SNRK: variants seen among roughly 807,000 people sequenced by gnomAD.
The protein encoded by SNRK is SNF related kinase.
Under a neutral mutation model 48.2 loss-of-function variants are expected in SNRK, and 3 were observed. The ratio of observed to expected loss-of-function variants is 0.06; its 90% confidence interval spans 0.03 to 0.16. The LOEUF (loss-of-function observed/expected upper bound fraction) is 0.16. Ranked by LOEUF, SNRK falls within the 10% of genes least tolerant of loss-of-function variation. The probability of loss-of-function intolerance (pLI) is 1.00; values close to 1 mark genes in which losing one functional copy is unlikely to be tolerated. For missense variants in SNRK, 627 were observed against 976.0 expected (o/e 0.64, Z 4.76); for synonymous variants, 376 against 366.1 (o/e 1.03, Z -0.31).
Position 43,340,431 on chromosome 3 carries a change from A to G in SNRK, c.876A>G (p.Glu292=). The G allele has an allele frequency of 6.2e-7, 1 of 1,614,208 alleles. No homozygotes were observed. ...IPLVSYKNLS[E]EEHNSIIQRM... The stretch of plus-strand genomic sequence containing the variant: ...TTGTGTCATACAAAAATCTCTCGGA[A>G]GAGGAGCACAACAGCATCATTCAGC... Residue 292 remains glutamate (E), a synonymous_variant, in exon 5 of 7, where the codon GAA becomes GAG. Transcript: ENST00000296088.
At chr3:43,286,719 C>T (rs2090766172) in intron 1 of SNRK, 44 bp downstream of exon 1, 1 of 148,626 alleles carries the variant, frequency 6.7e-6, no homozygotes, top group Non-Finnish European at 1.5e-5. Context: ...CGGCCGTAGG[C>T]AGGGGTGCGG....
At position 43,350,773 on chromosome 3, in the gene SNRK, C is replaced by T. The variant is rs2091317077; in HGVS notation, c.*2216C>T. ...ACTTGCTCTAAACAGTTACTTGTACCCCTTAACCTGTCTTCAAAAGTTGCA... is the reference window on the plus strand; with the variant it reads ...ACTTGCTCTAAACAGTTACTTGTACTCCTTAACCTGTCTTCAAAAGTTGCA... On this transcript the variant is annotated 3_prime_UTR_variant, in exon 7 of 7. Transcript: ENST00000296088. The T allele has an allele frequency of 6.6e-6, 1 of 152,542 alleles. No homozygotes were observed. 9.4% of individuals were successfully genotyped at this position (152,542 alleles called of 1,614,324 possible).
intron 3 of SNRK, among the ~76,000 whole-genome samples, chr3:43,316,801 T>G (rs775165466): frequency 2.2e-4 from 34 of 151,794 alleles, no homozygotes; most frequent in Non-Finnish European, 4.1e-4. Flanking sequence ...CTGCATTGAT[T>G]GCTTGTCCTT....
chr3:43,312,450 C>G (rs1323425903), intron 3 of SNRK, among the ~76,000 whole-genome samples: 2 of 152,132 alleles, frequency 1.3e-5, no homozygotes, highest in Non-Finnish European at 2.9e-5. Flanking sequence ...AAATATTACT[C>G]TTTGCCTGCT....
intron 1 of SNRK, among the ~76,000 whole-genome samples, chr3:43,290,052 T>G (rs2090798775): frequency 6.6e-6 from 1 of 152,196 alleles, no homozygotes; most frequent in Non-Finnish European, 1.5e-5. Flanking sequence ...GGAACCTGGA[T>G]TACACAACAT....
chr3:43,333,429 C>T (rs1439145856), intron 4 of SNRK: 2 of 148,510 alleles, frequency 1.3e-5, no homozygotes, highest in African/African-American at 4.9e-5. Context: ...ATTGACTTCT[C>T]CATTTACTAA....
intron 1 of SNRK, among the ~76,000 whole-genome samples, chr3:43,299,527 A>T (rs1371437320): frequency 6.6e-6 from 1 of 152,178 alleles, no homozygotes; most frequent in African/African-American, 2.4e-5. Flanking sequence ...TGACCTGTCT[A>T]CCTGGAACAA....
chr3:43,313,655 A>G (rs1378341207), intron 3 of SNRK, among the ~76,000 whole-genome samples: 1 of 152,196 alleles, frequency 6.6e-6, no homozygotes, highest in Non-Finnish European at 1.5e-5. Flanking sequence ...ATTTCATAGA[A>G]ACTACATACA....
At chr3:43,343,118 C>T (rs769345072) in intron 5 of SNRK, 12 of 465,682 alleles carry the variant, frequency 2.6e-5, no homozygotes, top group Middle Eastern at 5.8e-4. Flanking sequence ...CTCTCATTTA[C>T]GAAAAATCTT....
At chr3:43,342,448 T>G (rs910362009) in intron 5 of SNRK, among the ~76,000 whole-genome samples, 2 of 152,252 alleles carry the variant, frequency 1.3e-5, no homozygotes, top group African/African-American at 4.8e-5. Context: ...AATTTCACCT[T>G]GGATACTTCC....
chr3:43,328,221 C>T (rs999808144), intron 3 of SNRK, among the ~76,000 whole-genome samples: 7 of 151,992 alleles, frequency 4.6e-5, no homozygotes, highest in Middle Eastern at 3.4e-3. Context: ...CCCCCATTTA[C>T]GGTTTCAGTG....
At chr3:43,338,450 C>T (rs2091207679) in intron 4 of SNRK, among the ~76,000 whole-genome samples, 1 of 152,148 alleles carries the variant, frequency 6.6e-6, no homozygotes, top group East Asian at 1.9e-4. Context: ...GTCAGCTGTC[C>T]ATCTTATCAT....
intron 4 of SNRK, among the ~76,000 whole-genome samples, chr3:43,336,782 C>T (rs913820450): frequency 1.1e-4 from 16 of 151,672 alleles, no homozygotes; most frequent in Admixed American, 2.0e-4. Flanking sequence ...GACGGAGTCT[C>T]GCTCTGTTGC....
chr3:43,324,328 T>C (rs781444805), intron 3 of SNRK, among the ~76,000 whole-genome samples: 2 of 152,028 alleles, frequency 1.3e-5, no homozygotes, highest in Non-Finnish European at 2.9e-5. Context: ...GCCAACATGG[T>C]GAAACCCCGT....
intron 1 of SNRK, among the ~76,000 whole-genome samples, chr3:43,291,593 T>C (rs991644777): frequency 6.6e-6 from 1 of 152,230 alleles, no homozygotes; most frequent in African/African-American, 2.4e-5. Flanking sequence ...CTAATATATA[T>C]TATCCCATTT....
At chr3:43,291,345 C>T (rs1374357701) in intron 1 of SNRK, among the ~76,000 whole-genome samples, 6 of 152,056 alleles carry the variant, frequency 3.9e-5, no homozygotes, top group South Asian at 4.1e-4. Flanking sequence ...CCTCTTTTTG[C>T]GTATCTGTTC....
chr3:43,324,131 T>C (rs75343991), intron 3 of SNRK, among the ~76,000 whole-genome samples: 11,941 of 152,284 alleles, frequency 0.078, 587 homozygotes, highest in African/African-American at 0.12. Context: ...AAACAGATCT[T>C]TATAATTTTA....
At chr3:43,329,477 A>G (rs2091129319) in intron 3 of SNRK, among the ~76,000 whole-genome samples, 1 of 152,162 alleles carries the variant, frequency 6.6e-6, no homozygotes, top group Non-Finnish European at 1.5e-5. Context: ...TATGGAATAA[A>G]TGGCCCCTTG....
At chr3:43,311,875 AATG>A (rs1163108808) in intron 3 of SNRK, among the ~76,000 whole-genome samples, 1 of 152,146 alleles carries the variant, frequency 6.6e-6, no homozygotes, top group Non-Finnish European at 1.5e-5. Context: ...CTCTTTAAAA[AATG>A]ATACTTTAAA....
Sources: gnomAD v4.1 joint callset for allele counts (sites outside exome capture counted in the v4.1 genomes callset) on GRCh38, gnomAD v4.1.1 for gene constraint, MANE v1.5 for transcripts, NCBI Gene and HGNC (gene_info 2026-07-23, HGNC 2026-07-21) for gene names.